Variants in EEA1 observed in about 807,000 individuals in gnomAD.
EEA1 encodes early endosome antigen 1, 162kD.
In EEA1, 111 loss-of-function variants were observed where a neutral mutation model predicts 209.2. The ratio of observed to expected loss-of-function variants is 0.53; its 90% CI spans 0.45 to 0.62. The LOEUF (loss-of-function observed/expected upper bound fraction) is 0.62, where lower values mean the gene tolerates loss of function less well. Ranked by LOEUF, EEA1 falls within the 20% of genes least tolerant of loss-of-function variation. The probability of loss-of-function intolerance (pLI) is 0.00; values close to 1 mark genes in which losing one functional copy is unlikely to be tolerated. For missense variants in EEA1, 1,343 were observed against 1,530.8 expected (o/e 0.88, Z 2.05); for synonymous variants, 536 against 540.6 (o/e 0.99, Z 0.12).
At position 92,846,855 on chromosome 12, in the gene EEA1, AC is replaced by A. The variant is rs561083459; in HGVS notation, c.798+4255del. Among the ~76,000 whole-genome samples the A allele has an allele frequency of 1.0e-3, 156 of 152,374 alleles. 1 individual carries two copies. Among genetic ancestry groups the A allele is most frequent in the Non-Finnish European group, 1.7e-3 (116 of 68,024 alleles). ...TGTATCTTCAGCCCCAACTAGGTAT[AC>A]TAGTCAAATAAACATTTATTTGAGC... On this transcript the variant is annotated intron_variant, in intron 9 of 28. Coordinates refer to ENST00000322349, the MANE Select transcript of EEA1 (RefSeq NM_003566.4).
chr12:92,917,147 G>A (rs1271378576), intron 1 of EEA1, among the ~76,000 whole-genome samples: 1 of 140,420 alleles, frequency 7.1e-6, no homozygotes, highest in African/African-American at 2.8e-5. Flanking sequence ...TGGGGAGAAT[G>A]GAACCAAGTT....
At position 92,924,840 on chromosome 12, in the gene EEA1, TAAAA is replaced by T. The variant is rs58741191; in HGVS notation, c.24+4199_24+4202del. 8.2e-3 allele frequency among the ~76,000 whole-genome samples: 608 copies of T among 74,496 alleles called. 4 individuals are homozygous for T. Among genetic ancestry groups the T allele is most frequent in the African/African-American group, 0.026 (488 of 18,990 alleles). 48.9% of individuals were successfully genotyped at this position (74,496 alleles called of 152,430 possible). ...AATCTCTTCTTTATTCCTAACATGC[TAAAA>T]AAAAAAAAAAAAAAAAAAAAAACTA... On this transcript the variant is annotated intron_variant, in intron 1 of 28. Coordinates refer to ENST00000322349, the MANE Select transcript of EEA1 (RefSeq NM_003566.4).
chr12:92,850,689 C>CAAAA (rs11323932), intron 9 of EEA1, among the ~76,000 whole-genome samples: 38 of 46,920 alleles, frequency 8.1e-4, no homozygotes, highest in African/African-American at 9.7e-4. Flanking sequence ...GACTTTGTCT[C>CAAAA]AAAAAAAAAA....
rs1875942942 is a variant in EEA1 at position 92,819,349 on chromosome 12, G to A, written c.1687C>T (p.Leu563Phe). The change falls in exon 14 of 29, where the codon CTT becomes TTT. Residue 563 changes from leucine (L) to phenylalanine (F), a missense_variant. By Grantham distance (22) the Leu-to-Phe change is conservative. This residue lies in a region of EEA1 where 1,307 missense variants were observed against 1,465.5 expected (regional missense o/e 0.89). Coordinates refer to ENST00000322349, the MANE Select transcript of EEA1 (RefSeq NM_003566.4). Reference sequence around the variant, plus strand: ...TGGTTTTTTTCTTGTAACTGGTTAAGAACAGCAGTCTCTCCTTCACCAGCC... The same window carrying A: ...TGGTTTTTTTCTTGTAACTGGTTAAAAACAGCAGTCTCTCCTTCACCAGCC... ...IQAGEGETAV[L>F]NQLQEKNHTL... is the part of the protein sequence containing the mutation. 3 of 1,612,538 alleles carry A rather than the reference G, an allele frequency of 1.9e-6. No homozygotes were observed. Among genetic ancestry groups the A allele is most frequent in the Non-Finnish European group, 1.7e-6 (2 of 1,179,338 alleles).
chr12:92,866,191 C>CA (rs11317190), intron 2 of EEA1, among the ~76,000 whole-genome samples: 183 of 71,578 alleles, frequency 2.6e-3, no homozygotes, highest in East Asian at 3.3e-3. Context: ...GACTCCTTCT[C>CA]AAAAAAAAAA....
At position 92,893,540 on chromosome 12, in the gene EEA1, C is replaced by A. The variant is rs1419503577; in HGVS notation, c.25-1819G>T. ...CACTACTAAATGTTCAACCTAAATC[C>A]AAATAAGGATGAATTCATAATGCTA... On this transcript the variant is annotated intron_variant, in intron 1 of 28. Transcript: ENST00000322349. Among the ~76,000 whole-genome samples the A allele has an allele frequency of 4.6e-5, 7 of 151,654 alleles. No homozygotes were observed. The East Asian group carries it at 1.4e-3, about 29-fold the overall frequency.
intron 21 of EEA1, among the ~76,000 whole-genome samples, chr12:92,792,265 A>G (rs1247931191): frequency 6.6e-6 from 1 of 152,180 alleles, no homozygotes; most frequent in African/African-American, 2.4e-5. Context: ...GCAAGAAATA[A>G]CTAAGATCAG....
In EEA1 at chr12:92,929,264, A is replaced by G. The variant is rs1881339682; in HGVS notation, c.-198T>C. 2 of 345,860 alleles carry G rather than the reference A, an allele frequency of 5.8e-6. No individual in the cohort carries two copies. Among genetic ancestry groups the G allele is most frequent in the Non-Finnish European group, 1.0e-5 (2 of 190,962 alleles). The allele number at this position is 345,860 out of a possible 1,614,324, so 21.4% of individuals were successfully genotyped here. On this transcript the variant is annotated 5_prime_UTR_variant, in exon 1 of 29. Transcript: ENST00000322349. ...GAGAGGGAGCACGCGAGAGAGAGCG[A>G]GCGAACGACTAGGCAGCCTGCGAGC... is the stretch of plus-strand genomic sequence containing the variant.
chr12:92,777,675 T>G lies in EEA1; in HGVS notation c.3894-12A>C. 1 of 1,607,112 alleles carries G rather than the reference T, an allele frequency of 6.2e-7. No homozygotes were observed. The highest frequency in any genetic ancestry group is 8.5e-7 in the Non-Finnish European group (1 of 1,177,042). ...CTCCTTTAAGACATCTGGAATAGATTGCAAAGAGGTAATTAATTTTTTAGA... is the reference window on the plus strand; with the variant it reads ...CTCCTTTAAGACATCTGGAATAGATGGCAAAGAGGTAATTAATTTTTTAGA... On this transcript the variant is annotated splice_polypyrimidine_tract_variant and intron_variant, in intron 26 of 28. Coordinates refer to ENST00000322349, the MANE Select transcript of EEA1 (RefSeq NM_003566.4).
chr12:92,840,145 C>T (rs1377818837), intron 10 of EEA1, among the ~76,000 whole-genome samples: 2 of 151,826 alleles, frequency 1.3e-5, no homozygotes, highest in African/African-American at 4.8e-5. Context: ...TGACTTTTTC[C>T]TTATTATATT....
In EEA1 at chr12:92,816,355, T is replaced by C; in HGVS notation, c.1774A>G (p.Lys592Glu). The C allele has an allele frequency of 6.2e-7, 1 of 1,613,942 alleles. No homozygotes were observed. The highest frequency in any genetic ancestry group is 8.5e-7 in the Non-Finnish European group (1 of 1,179,834). The change falls in exon 15 of 29, where the codon AAA (lysine) becomes GAA (glutamate). Residue 592 changes from lysine (K) to glutamate (E), a missense_variant. This residue lies in a region of EEA1 where 1,307 missense variants were observed against 1,465.5 expected (regional missense o/e 0.89). Coordinates refer to ENST00000322349, the MANE Select transcript of EEA1 (RefSeq NM_003566.4). Reference sequence around the variant, plus strand: ...TCATGCAAATTCTCCTGGGCTTGTTTATGACTTTCTGACTGATTCTTCAGC... The same window carrying C: ...TCATGCAAATTCTCCTGGGCTTGTTCATGACTTTCTGACTGATTCTTCAGC... The part of the protein sequence containing the change: ...EKLKNQSESH[K>E]QAQENLHDQV...
intron 10 of EEA1, among the ~76,000 whole-genome samples, chr12:92,835,582 T>TC (rs1876893354): frequency 6.6e-6 from 1 of 151,358 alleles, no homozygotes; most frequent in African/African-American, 2.4e-5. Context: ...CAGCTAATTT[T>TC]TTGTATTTTT....
chr12:92,833,344 T>C lies in EEA1; in HGVS notation c.916-494A>G, dbSNP rs547711806. Among the ~76,000 whole-genome samples, 24 of 152,300 alleles carry C rather than the reference T, an allele frequency of 1.6e-4. 1 individual carries two copies. The South Asian group carries it at 2.9e-3, about 18-fold the overall frequency. Reference sequence around the variant, plus strand: ...ATGCTCTTCTTGTTAAAGACCAAGTTTTGGAGTCACAAGCTAAGACTAATT... The same window carrying C: ...ATGCTCTTCTTGTTAAAGACCAAGTCTTGGAGTCACAAGCTAAGACTAATT... On this transcript the variant is annotated intron_variant, in intron 10 of 28. Transcript: ENST00000322349.
At chr12:92,880,869 A>G (rs1475210753) in intron 2 of EEA1, among the ~76,000 whole-genome samples, 1 of 152,232 alleles carries the variant, frequency 6.6e-6, no homozygotes, top group Non-Finnish European at 1.5e-5. Flanking sequence ...ATTCATGGAC[A>G]TTACATATAA....
intron 11 of EEA1, among the ~76,000 whole-genome samples, chr12:92,829,542 G>A (rs2136690266): frequency 6.6e-6 from 1 of 152,160 alleles, no homozygotes; most frequent in South Asian, 2.1e-4. Flanking sequence ...ACTTTGGGAG[G>A]CTGAGGAGGG....
At chr12:92,883,832 G>A in intron 2 of EEA1, 6 of 1,599,680 alleles carry the variant, frequency 3.8e-6, no homozygotes, top group Non-Finnish European at 4.3e-6. Flanking sequence ...TTCATTGGAG[G>A]GTTGAGCTTT....
rs1881336730 is a variant in EEA1 at position 92,929,236 on chromosome 12, G to A, written c.-170C>T. The A allele has an allele frequency of 3.5e-6, 2 of 569,900 alleles. No homozygotes were observed. The highest frequency in any genetic ancestry group is 2.9e-6 in the Non-Finnish European group (1 of 339,726). The allele number at this position is 569,900 out of a possible 1,614,324, so 35.3% of individuals were successfully genotyped here. A position where few individuals can be genotyped will look rare whatever the true frequency, so the allele number is the denominator to read the frequency against. ...GGGCGGCCCCGACTTCCCCACAGGC[G>A]GCGAGAGGGAGCACGCGAGAGAGAG... On this transcript the variant is annotated 5_prime_UTR_variant, in exon 1 of 29. Coordinates refer to ENST00000322349, the MANE Select transcript of EEA1 (RefSeq NM_003566.4).
chr12:92,900,705 G>A (rs1880109984), intron 1 of EEA1, among the ~76,000 whole-genome samples: 1 of 143,172 alleles, frequency 7.0e-6, no homozygotes, highest in Non-Finnish European at 1.5e-5. Context: ...GTCTCACTCT[G>A]TCACCCAGGC....
chr12:92,882,584 C>G (rs984733681), intron 2 of EEA1, among the ~76,000 whole-genome samples: 18 of 151,246 alleles, frequency 1.2e-4, no homozygotes, highest in Non-Finnish European at 2.5e-4. Context: ...CCTTCTCATT[C>G]TAGTAGTCTC....
Sources: allele counts gnomAD v4.1 joint callset (sites outside exome capture counted in the v4.1 genomes callset), GRCh38; gene constraint gnomAD v4.1.1; regional missense constraint gnomAD v4.1.1; transcripts MANE v1.5; gene names NCBI Gene and HGNC (gene_info 2026-07-23, HGNC 2026-07-21).